Variants in HAPLN1 observed in about 807,000 individuals in gnomAD.
HAPLN1 encodes the protein hyaluronan and proteoglycan link protein 1.
HAPLN1 carries 13 observed loss-of-function variants against 36.5 expected under a neutral mutation model. That is an observed-to-expected ratio of 0.36 (90% confidence interval 0.23 to 0.57). The LOEUF is 0.57. Among genes scored for constraint, HAPLN1 ranks in the 20% least tolerant of loss-of-function variants. HAPLN1 has a pLI of 0.83. For synonymous variants in HAPLN1, 202 were observed against 169.8 expected (o/e 1.19, Z -1.48); for missense variants, 407 against 439.7 (o/e 0.93, Z 0.66).
At chr5:83,654,980 C>A (rs1750172959) in intron 2 of HAPLN1, among the ~76,000 whole-genome samples, 1 of 152,224 alleles carries the variant, frequency 6.6e-6, no homozygotes, top group Non-Finnish European at 1.5e-5. Context: ...TGTACACTAA[C>A]TACTAAACTG....
chr5:83,679,929 C>T (rs73133857), intron 1 of HAPLN1, among the ~76,000 whole-genome samples: 5,083 of 152,222 alleles, frequency 0.033, 310 homozygotes, highest in African/African-American at 0.12. Context: ...GATATCAGAT[C>T]GTCTCTTCTA....
At position 83,679,726 on chromosome 5, in the gene HAPLN1, T is replaced by C. The variant is rs924180879; in HGVS notation, c.-26-6177A>G. 2.0e-5 allele frequency among the ~76,000 whole-genome samples: 3 copies of C among 152,174 alleles called. No individual in the cohort carries two copies. The East Asian group carries it at 5.8e-4, about 29-fold the overall frequency. ...CTGGATAGATGGGGAAATATGGCAATGGGTACAATGGAGGAAAGGTAGAAT... is the reference window on the plus strand; with the variant it reads ...CTGGATAGATGGGGAAATATGGCAACGGGTACAATGGAGGAAAGGTAGAAT... On this transcript the variant is annotated intron_variant, in intron 1 of 4. Coordinates refer to ENST00000274341, the MANE Select transcript of HAPLN1 (RefSeq NM_001884.4).
intron 2 of HAPLN1, among the ~76,000 whole-genome samples, chr5:83,665,699 T>A (rs1750532752): frequency 6.6e-6 from 1 of 152,172 alleles, no homozygotes; most frequent in South Asian, 2.1e-4. Flanking sequence ...GTTTTCTAAA[T>A]CCAAAATGTC....
At chr5:83,679,388 T>C (rs1468011521) in intron 1 of HAPLN1, among the ~76,000 whole-genome samples, 1 of 152,204 alleles carries the variant, frequency 6.6e-6, no homozygotes, top group Admixed American at 6.5e-5. Flanking sequence ...GAAAAATTTA[T>C]ATTCCTTTTT....
intron 1 of HAPLN1, among the ~76,000 whole-genome samples, chr5:83,676,915 G>A (rs938753483): frequency 6.6e-6 from 1 of 152,074 alleles, no homozygotes; most frequent in Non-Finnish European, 1.5e-5. Context: ...TAATAGGAAT[G>A]TAATTTTACA....
chr5:83,650,366 T>A (rs1391887241), intron 3 of HAPLN1, among the ~76,000 whole-genome samples: 1 of 152,212 alleles, frequency 6.6e-6, no homozygotes, highest in African/African-American at 2.4e-5. Flanking sequence ...CCTACTTATT[T>A]TACTGACTTC....
chr5:83,645,086 A>G (rs1341494896), intron 3 of HAPLN1, among the ~76,000 whole-genome samples: 1 of 152,130 alleles, frequency 6.6e-6, no homozygotes, highest in African/African-American at 2.4e-5. Flanking sequence ...TGGCAAATAT[A>G]GAAATAGTCA....
chr5:83,692,916 A>G (rs1751313621), intron 1 of HAPLN1, among the ~76,000 whole-genome samples: 1 of 151,918 alleles, frequency 6.6e-6, no homozygotes, highest in East Asian at 1.9e-4. Context: ...TACATGAAGT[A>G]TAGTAGTCCC....
At chr5:83,649,425 A>G (rs1398214806) in intron 3 of HAPLN1, among the ~76,000 whole-genome samples, 1 of 151,716 alleles carries the variant, frequency 6.6e-6, no homozygotes, top group African/African-American at 2.4e-5. Context: ...CATGGTCCAA[A>G]TCAAGTATCT....
At chr5:83,695,323 G>A (rs1013203129) in intron 1 of HAPLN1, among the ~76,000 whole-genome samples, 5 of 151,460 alleles carry the variant, frequency 3.3e-5, no homozygotes, top group South Asian at 4.2e-4. Flanking sequence ...ATGGGGTTTC[G>A]CCATGTTGGC....
chr5:83,690,393 T>C (rs960640063), intron 1 of HAPLN1, among the ~76,000 whole-genome samples: 3 of 152,072 alleles, frequency 2.0e-5, no homozygotes, highest in Non-Finnish European at 2.9e-5. Flanking sequence ...TCTGAGATTG[T>C]TGAAAGTGTA....
At chr5:83,671,957 G>A (rs1022042287) in intron 2 of HAPLN1, among the ~76,000 whole-genome samples, 1 of 152,170 alleles carries the variant, frequency 6.6e-6, no homozygotes, top group South Asian at 2.1e-4. Flanking sequence ...CAGAGGAGAT[G>A]GGAATGGAAA....
intron 3 of HAPLN1, among the ~76,000 whole-genome samples, chr5:83,647,747 T>C (rs889228441): frequency 6.6e-6 from 1 of 152,208 alleles, no homozygotes; most frequent in Non-Finnish European, 1.5e-5. Flanking sequence ...CATACTTATA[T>C]GTCAAAATAT....
chr5:83,675,466 G>A (rs1040905103), intron 1 of HAPLN1: 1 of 152,136 alleles, frequency 6.6e-6, no homozygotes, highest in African/African-American at 2.4e-5. Context: ...GTGTGGTCAT[G>A]TATAGTGTAA....
chr5:83,681,094 A>C lies in HAPLN1; in HGVS notation c.-26-7545T>G, dbSNP rs116041777. Among the ~76,000 whole-genome samples the C allele has an allele frequency of 4.3e-3, 652 of 152,324 alleles. 5 individuals carry two copies. The highest frequency in any genetic ancestry group is 0.014 in the African/African-American group (571 of 41,582). The stretch of plus-strand genomic sequence containing the variant: ...TGTGATCAAAAATCTGAGTAACATC[A>C]ATAACAAAGCATTGTATTAAATAAT... On this transcript the variant is annotated intron_variant, in intron 1 of 4. Coordinates refer to ENST00000274341, the MANE Select transcript of HAPLN1 (RefSeq NM_001884.4).
At chr5:83,711,993 G>C (rs1029009223) in intron 1 of HAPLN1, among the ~76,000 whole-genome samples, 37 of 152,162 alleles carry the variant, frequency 2.4e-4, no homozygotes, top group Non-Finnish European at 4.4e-5. Flanking sequence ...ATTGACTCAA[G>C]AATGATATAC....
chr5:83,669,253 A>G (rs1750635333), intron 2 of HAPLN1, among the ~76,000 whole-genome samples: 1 of 152,154 alleles, frequency 6.6e-6, no homozygotes. Context: ...CTGTAATTCT[A>G]ACACTTTGGG....
intron 1 of HAPLN1, among the ~76,000 whole-genome samples, chr5:83,706,621 A>T (rs919810630): frequency 6.6e-6 from 1 of 152,208 alleles, no homozygotes; most frequent in Admixed American, 6.5e-5. Flanking sequence ...CACAGTCAAC[A>T]TTATACTGAA....
chr5:83,688,056 A>G (rs1255040894), intron 1 of HAPLN1, among the ~76,000 whole-genome samples: 1 of 151,910 alleles, frequency 6.6e-6, no homozygotes. Context: ...TTTTTAGAAC[A>G]CTCTGGTATC....
Sources: allele counts gnomAD v4.1 joint callset (sites outside exome capture counted in the v4.1 genomes callset), GRCh38; gene constraint gnomAD v4.1.1; transcripts MANE v1.5; gene names NCBI Gene and HGNC (gene_info 2026-07-23, HGNC 2026-07-21).